MAML2: variants seen among roughly 807,000 people sequenced by gnomAD.
MAML2 encodes the protein mastermind like transcriptional coactivator 2.
A neutral mutation model predicts 96.1 loss-of-function variants in MAML2; 22 were observed. That is an observed-to-expected ratio of 0.23 (90% CI 0.16 to 0.33). The LOEUF (loss-of-function observed/expected upper bound fraction) is 0.33. Among genes scored for constraint, MAML2 ranks in the 10% least tolerant of loss-of-function variants. The probability of loss-of-function intolerance (pLI) is 1.00; values close to 1 mark genes in which losing one functional copy is unlikely to be tolerated. For synonymous variants in MAML2, 561 were observed against 521.3 expected (o/e 1.08, Z -1.04); for missense variants, 1,367 against 1,392.4 (o/e 0.98, Z 0.29).
At position 96,298,831 on chromosome 11, in the gene MAML2, A is replaced by G. The variant is rs1018736358; in HGVS notation, c.513+42552T>C. ...GCTGAGGAGGGTGGATCACGAGGTC[A>G]GGAGATCGAGACCATCCTGGCTAAC... On this transcript the variant is annotated intron_variant, in intron 1 of 4. Coordinates refer to ENST00000524717, the MANE Select transcript of MAML2 (RefSeq NM_032427.4). Among the ~76,000 whole-genome samples the G allele has an allele frequency of 3.4e-5, 5 of 147,094 alleles. No homozygotes were observed. In the South Asian group the frequency reaches 1.1e-3, roughly 31 times the overall value.
Position 96,319,602 on chromosome 11 carries a change from T to C in MAML2, c.513+21781A>G, listed in dbSNP as rs564710601. Among the ~76,000 whole-genome samples the C allele has an allele frequency of 2.6e-5, 4 of 152,338 alleles. No homozygotes were observed. The East Asian group carries it at 7.7e-4, about 29-fold the overall frequency. On this transcript the variant is annotated intron_variant, in intron 1 of 4. Coordinates refer to ENST00000524717, the MANE Select transcript of MAML2 (RefSeq NM_032427.4). ...CAAGATATATTTTTATGTCTTGCTA[T>C]GGTCTCTTTTGCTTTGCTACTCATT... is the stretch of plus-strand genomic sequence containing the variant.
Position 96,025,725 on chromosome 11 carries a change from T to C in MAML2, c.2140-34002A>G, listed in dbSNP as rs183812447. ...TTTGCCACCATACCCAACTAATTTT[T>C]TTTTTCTTTGTATTTTTAGTAGAGT... On this transcript the variant is annotated intron_variant, in intron 2 of 4. Transcript: ENST00000524717. Among the ~76,000 whole-genome samples the C allele has an allele frequency of 3.9e-5, 6 of 152,250 alleles. No homozygotes were observed. In the East Asian group the frequency reaches 7.7e-4, roughly 20 times the overall value.
At chr11:96,034,734 T>C (rs575721925) in intron 2 of MAML2, among the ~76,000 whole-genome samples, 36 of 152,292 alleles carry the variant, frequency 2.4e-4, no homozygotes, top group African/African-American at 8.4e-4. Flanking sequence ...AAAAGCATAT[T>C]CTAAAGGGAA....
At position 96,150,265 on chromosome 11, in the gene MAML2, C is replaced by G. The variant is rs11021450; in HGVS notation, c.514-56748G>C. 8.5e-5 allele frequency among the ~76,000 whole-genome samples: 13 copies of G among 152,326 alleles called. No homozygotes were observed. The East Asian group carries it at 1.9e-3, about 23-fold the overall frequency. On this transcript the variant is annotated intron_variant, in intron 1 of 4. Coordinates refer to ENST00000524717, the MANE Select transcript of MAML2 (RefSeq NM_032427.4). ...ACAAAGCTGAAAAAGATAATCCCTG[C>G]TCTCACGAAGCTCAGCTTCAATGAC...
At chr11:96,258,501 C>T (rs564092158) in intron 1 of MAML2, among the ~76,000 whole-genome samples, 9 of 152,302 alleles carry the variant, frequency 5.9e-5, no homozygotes, top group South Asian at 2.1e-4. Flanking sequence ...GGGAGGTGAA[C>T]GTCCTCATTA....
chr11:96,075,485 A>G (rs1232174637), intron 2 of MAML2, among the ~76,000 whole-genome samples: 1 of 152,108 alleles, frequency 6.6e-6, no homozygotes, highest in East Asian at 1.9e-4. Flanking sequence ...TATCTTCTCT[A>G]TTTTCATACC....
chr11:96,264,205 G>T (rs572067432), intron 1 of MAML2, among the ~76,000 whole-genome samples: 1 of 152,172 alleles, frequency 6.6e-6, no homozygotes, highest in Non-Finnish European at 1.5e-5. Flanking sequence ...CGTAACTTTT[G>T]TAAAGCCCCC....
Position 96,092,176 on chromosome 11 carries a change from G to T in MAML2, c.1855C>A (p.Gln619Lys), listed in dbSNP as rs1394708004. The T allele has an allele frequency of 6.5e-7, 1 of 1,540,854 alleles. No homozygotes were observed. Among genetic ancestry groups the T allele is most frequent in the Admixed American group, 2.0e-5 (1 of 49,792 alleles). Reference sequence around the variant, plus strand: ...TGAGCTGAAATTGAACTCTGCTGTTGCTGTTGCTGTTGCTGTTGCTGCTGC... The same window carrying T: ...TGAGCTGAAATTGAACTCTGCTGTTTCTGTTGCTGTTGCTGTTGCTGCTGC... Reference protein sequence around the residue: ...QQQQQQQQQQQQQSSISAQQQ... With the variant: ...QQQQQQQQQQKQQSSISAQQQ... Residue 619 changes from glutamine to lysine, a missense_variant, in exon 2 of 5, where the codon CAA (glutamine) becomes AAA (lysine). Transcript: ENST00000524717. This position sits in a 1 kb window ranked among gnomAD's most constrained non-coding sequence, Gnocchi z 4.1.
chr11:96,333,433 A>C (rs938817300), intron 1 of MAML2, among the ~76,000 whole-genome samples: 1 of 151,916 alleles, frequency 6.6e-6, no homozygotes, highest in African/African-American at 2.4e-5. Flanking sequence ...CCCAAATATA[A>C]TCTACTAAAG....
intron 2 of MAML2, among the ~76,000 whole-genome samples, chr11:96,018,145 TG>T (rs1287314113): frequency 6.6e-6 from 1 of 152,204 alleles, no homozygotes; most frequent in East Asian, 1.9e-4. Flanking sequence ...TATGAGATTT[TG>T]GCCTGAGTAT....
At chr11:96,045,290 A>G (rs1858878455) in intron 2 of MAML2, among the ~76,000 whole-genome samples, 1 of 152,184 alleles carries the variant, frequency 6.6e-6, no homozygotes, top group Admixed American at 6.5e-5. Context: ...CTGCTGTGAG[A>G]GAGTATGGTG....
chr11:95,999,524 T>C (rs1028159834), intron 2 of MAML2, among the ~76,000 whole-genome samples: 11 of 150,926 alleles, frequency 7.3e-5, no homozygotes, highest in Middle Eastern at 3.4e-3. Context: ...ACTGACACAG[T>C]AACTTTCACA....
chr11:95,978,936 TC>T lies in MAML2; in HGVS notation c.*11del. ...AGTGCTTGGAGTTTGTAAATTGTCT[TC>T]CCTTTCTTCTTTAGGAATTGTTCCC... On this transcript the variant is annotated 3_prime_UTR_variant, in exon 5 of 5. Transcript: ENST00000524717. The T allele has an allele frequency of 6.3e-7, 1 of 1,592,010 alleles. No homozygotes were observed. Among genetic ancestry groups the T allele is most frequent in the Admixed American group, 1.8e-5 (1 of 56,960 alleles).
At chr11:96,014,822 G>C (rs1046286659) in intron 2 of MAML2, among the ~76,000 whole-genome samples, 1 of 152,122 alleles carries the variant, frequency 6.6e-6, no homozygotes, top group Non-Finnish European at 1.5e-5. Context: ...AGATGGCATG[G>C]AACATTGAAG....
At chr11:96,155,509 AATATATATAT>A (rs56860340) in intron 1 of MAML2, among the ~76,000 whole-genome samples, 2,082 of 74,830 alleles carry the variant, frequency 0.028, 187 homozygotes, top group African/African-American at 0.11. Context: ...TAACAATTCA[AATATATATAT>A]ATATATATAT....
At chr11:96,323,508 G>A (rs187105934) in intron 1 of MAML2, among the ~76,000 whole-genome samples, 1 of 149,198 alleles carries the variant, frequency 6.7e-6, no homozygotes, top group East Asian at 2.0e-4. Flanking sequence ...CCATCTGCAT[G>A]CTCAGAGATA....
At chr11:96,306,275 C>T (rs1863460573) in intron 1 of MAML2, among the ~76,000 whole-genome samples, 1 of 152,164 alleles carries the variant, frequency 6.6e-6, no homozygotes, top group Non-Finnish European at 1.5e-5. Context: ...CTTCTCTCCT[C>T]TTCCAAGAGT....
chr11:96,338,879 C>A (rs1040582364), intron 1 of MAML2, among the ~76,000 whole-genome samples: 1 of 152,084 alleles, frequency 6.6e-6, no homozygotes, highest in Admixed American at 6.5e-5. Context: ...AAGAGGAGCC[C>A]GAGTAAAGTG....
At chr11:96,079,931 G>A (rs938237065) in intron 2 of MAML2, among the ~76,000 whole-genome samples, 1 of 152,186 alleles carries the variant, frequency 6.6e-6, no homozygotes, top group African/African-American at 2.4e-5. Context: ...CTGTGGAGAT[G>A]AGATGTATCA....
Sources: gnomAD v4.1 joint callset for allele counts (sites outside exome capture counted in the v4.1 genomes callset) on GRCh38, gnomAD v4.1.1 for gene constraint, Gnocchi (gnomAD v3.1) non-coding constraint, MANE v1.5 for transcripts, NCBI Gene and HGNC (gene_info 2026-07-23, HGNC 2026-07-21) for gene names.